The following ADAR variants were observed in gnomAD, a reference collection of about 807,000 sequenced individuals.
The protein encoded by ADAR is double-stranded RNA-specific adenosine deaminase.
ADAR carries 41 observed loss-of-function variants against 113.2 expected under a neutral mutation model. The observed-to-expected ratio is 0.36, with a 90% confidence interval of 0.28 to 0.47. The LOEUF (loss-of-function observed/expected upper bound fraction) is 0.47, where lower values mean the gene tolerates loss of function less well. Ranked by LOEUF, ADAR falls within the 20% of genes least tolerant of loss-of-function variation. ADAR has a pLI of 1.00. For missense variants in ADAR, 1,242 were observed against 1,540.9 expected, an observed-to-expected ratio of 0.81 and a Z score of 3.25; for synonymous variants, 605 against 572.6, an observed-to-expected ratio of 1.06 and a Z score of -0.81.
chr1:154,593,771 A>C (rs992290461), intron 6 of ADAR, among the ~76,000 whole-genome samples: 1 of 152,260 alleles, frequency 6.6e-6, no homozygotes, highest in African/African-American at 2.4e-5. Context: ...TTACATATCC[A>C]TGAGAGTAAC....
Position 154,596,955 on chromosome 1 carries a change from G to A in ADAR, c.2120C>T (p.Ser707Phe). Residue 707 changes from serine to phenylalanine, a missense_variant, in exon 6 of 15, where the codon TCC (serine) becomes TTC (phenylalanine). This residue lies in a region of ADAR where 780 missense variants were observed against 1,057.9 expected (regional missense o/e 0.74). Transcript: ENST00000368474. ...MISESLDNLE[S>F]MMPNKVRKIG... ...CTTCCTGACCTTGTTGGGCATCATG[G>A]ATTCCAAGTTATCAAGTGACTCTGA... 1 of 1,614,148 alleles carries A rather than the reference G, an allele frequency of 6.2e-7. No individual in the cohort carries two copies. Among genetic ancestry groups the A allele is most frequent in the East Asian group, 2.2e-5 (1 of 44,888 alleles).
Position 154,588,631 on chromosome 1 carries a change from C to T in ADAR, c.2805G>A (p.Ala935=), listed in dbSNP as rs375643914. 1.5e-5 allele frequency: 25 copies of T among 1,614,008 alleles called. No individual in the cohort carries two copies. Among genetic ancestry groups the T allele is most frequent in the Middle Eastern group, 1.6e-4 (1 of 6,084 alleles). The change falls in exon 10 of 15, where the codon GCG becomes GCA. Residue 935 remains alanine, a synonymous_variant. Coordinates refer to ENST00000368474, the MANE Select transcript of ADAR (RefSeq NM_001111.5). ...TAGCAGGTTCAAATATACTATCCTT[C>T]GCAGTCTGGGAGTTGTATTTCATTA... The part of the protein sequence containing the change: ...SELMKYNSQT[A]KDSIFEPAKG...
rs1127313 is a variant in ADAR at position 154,583,949 on chromosome 1, G to A, written c.*857C>T. 63,505 of 152,102 alleles carry A rather than the reference G, an allele frequency of 0.42. 14,215 individuals are homozygous for A. Among genetic ancestry groups the A allele is most frequent in the East Asian group, 0.55 (2,863 of 5,176 alleles). 9.4% of individuals were successfully genotyped at this position (152,102 alleles called of 1,614,324 possible). Reference sequence around the variant, plus strand: ...GGAAAATATTCCTAGGAATGCTTTAGGAGAAGAGGCAGCTGGAAGCTTGGC... The same window carrying A: ...GGAAAATATTCCTAGGAATGCTTTAAGAGAAGAGGCAGCTGGAAGCTTGGC... On this transcript the variant is annotated 3_prime_UTR_variant, in exon 15 of 15. Transcript: ENST00000368474.
At chr1:154,591,414 C>A (rs1697138032) in intron 6 of ADAR, among the ~76,000 whole-genome samples, 1 of 152,238 alleles carries the variant, frequency 6.6e-6, no homozygotes, top group Non-Finnish European at 1.5e-5. Flanking sequence ...GGCCTTAGGC[C>A]AGGGACCCAG....
chr1:154,616,260 CTT>C (rs1351593289), intron 1 of ADAR, among the ~76,000 whole-genome samples: 2 of 152,302 alleles, frequency 1.3e-5, no homozygotes, highest in East Asian at 3.9e-4. Flanking sequence ...ACAAAAAATA[CTT>C]TGATGGCTTC....
intron 2 of ADAR, 42 bp from the exon 3 acceptor site, chr1:154,598,627 C>T: frequency 6.3e-7 from 1 of 1,599,368 alleles, no homozygotes; most frequent in South Asian, 1.1e-5. Flanking sequence ...GAGTCTAGGT[C>T]ACTCCTTCTG....
chr1:154,592,472 A>C (rs775560429), intron 6 of ADAR, among the ~76,000 whole-genome samples: 1 of 152,238 alleles, frequency 6.6e-6, no homozygotes, highest in Non-Finnish European at 1.5e-5. Flanking sequence ...AAGATCAGTT[A>C]GGAGGCTATT....
chr1:154,622,139 G>A (rs930935090), intron 1 of ADAR, among the ~76,000 whole-genome samples: 2 of 152,130 alleles, frequency 1.3e-5, no homozygotes, highest in African/African-American at 4.8e-5. Flanking sequence ...AAAGCAGAGT[G>A]GGCTCTGAGC....
chr1:154,589,163 C>G (rs186435488), intron 9 of ADAR, among the ~76,000 whole-genome samples: 1 of 152,182 alleles, frequency 6.6e-6, no homozygotes, highest in East Asian at 1.9e-4. Flanking sequence ...AAAAACAGGC[C>G]GAGCAGTGGG....
chr1:154,606,750 C>T (rs1698212212), intron 1 of ADAR, among the ~76,000 whole-genome samples: 1 of 152,138 alleles, frequency 6.6e-6, no homozygotes, highest in Non-Finnish European at 1.5e-5. Flanking sequence ...AATTACATAA[C>T]AACTCATTTA....
At chr1:154,588,396 C>G in intron 10 of ADAR, 138 bp from the exon 11 acceptor site, 1 of 1,475,864 alleles carries the variant, frequency 6.8e-7, no homozygotes, top group Non-Finnish European at 9.4e-7. Context: ...GACAGCAGTA[C>G]ATGTGAGTCA....
Position 154,586,207 on chromosome 1 carries a change from G to T in ADAR, c.3176C>A (p.Pro1059His). 6.2e-7 allele frequency: 1 copy of T among 1,614,206 alleles called. No homozygotes were observed. ...QGALLTHFLQ[P>H]IYLKSVTLGY... The stretch of plus-strand genomic sequence containing the variant: ...CAATGTGACAGATTTGAGATAAATG[G>T]GCTGCAGGAAGTGGGTCAACAGTGC... Residue 1059 changes from proline to histidine, a missense_variant, in exon 12 of 15, where the codon CCC becomes CAC. By Grantham distance (77) the Pro-to-His change is moderately conservative. Coordinates refer to ENST00000368474, the MANE Select transcript of ADAR (RefSeq NM_001111.5).
intron 7 of ADAR, 40 bp downstream of exon 7, chr1:154,590,144 C>G (rs765975608): frequency 6.4e-6 from 7 of 1,100,452 alleles, no homozygotes; most frequent in Admixed American, 1.7e-5. Flanking sequence ...TAGGAGGACC[C>G]CCCCGCCCCA....
At chr1:154,592,926 A>G (rs568858347) in intron 6 of ADAR, among the ~76,000 whole-genome samples, 2 of 152,002 alleles carry the variant, frequency 1.3e-5, no homozygotes, top group Non-Finnish European at 2.9e-5. Flanking sequence ...ATCTGAGGTC[A>G]GGAGTTGAAG....
Position 154,597,855 on chromosome 1 carries a change from G to T in ADAR, c.1907C>A (p.Ser636Tyr). 3.1e-6 allele frequency: 5 copies of T among 1,614,168 alleles called. No individual in the cohort carries two copies. The highest frequency in any genetic ancestry group is 4.2e-6 in the Non-Finnish European group (5 of 1,180,048). Residue 636 changes from serine (S) to tyrosine (Y), a missense_variant, in exon 4 of 15, where the codon TCC becomes TAC. Around this residue, in one of 2 missense-constraint regions of ADAR, gnomAD observed 780 missense variants for 1,057.9 expected, o/e 0.74. Transcript: ENST00000368474. ...LGNSCEFRLL[S>Y]KEGPAHEPKF... ...GGGTTCATGGGCAGGGCCTTCTTTG[G>T]ACAGGAGACGGAATTCGCAGGAGTT... is the stretch of plus-strand genomic sequence containing the variant.
intron 1 of ADAR, among the ~76,000 whole-genome samples, chr1:154,603,384 T>C (rs966198438): frequency 1.3e-5 from 2 of 152,154 alleles, no homozygotes; most frequent in African/African-American, 4.8e-5. Flanking sequence ...CTGTCCTCAC[T>C]CTTCAGTGTG....
At chr1:154,598,635 C>G (rs745507587) in intron 2 of ADAR, 50 bp from the exon 3 acceptor site, 2 of 1,586,878 alleles carry the variant, frequency 1.3e-6, no homozygotes, top group Non-Finnish European at 1.7e-6. Flanking sequence ...GTCACTCCTT[C>G]TGCCTTCTCC....
chr1:154,606,312 A>G (rs929404831), intron 1 of ADAR, among the ~76,000 whole-genome samples: 4 of 152,190 alleles, frequency 2.6e-5, no homozygotes, highest in Admixed American at 6.5e-5. Flanking sequence ...GATTACAGGC[A>G]TGAGCTACCA....
chr1:154,590,958 A>G (rs564315528), intron 6 of ADAR, among the ~76,000 whole-genome samples: 2 of 152,122 alleles, frequency 1.3e-5, no homozygotes, highest in African/African-American at 2.4e-5. Context: ...CCATCTCTAA[A>G]ATAAACAAAC....
Sources: gnomAD v4.1 joint callset for allele counts (sites outside exome capture counted in the v4.1 genomes callset) on GRCh38, gnomAD v4.1.1 for gene constraint, gnomAD v4.1.1 regional missense constraint, MANE v1.5 for transcripts, NCBI Gene and HGNC (gene_info 2026-07-23, HGNC 2026-07-21) for gene names.